Variants in DDX4 observed in about 807,000 individuals in gnomAD.
DDX4 encodes probable ATP-dependent RNA helicase DDX4.
In DDX4, 25 loss-of-function variants were observed where a neutral mutation model predicts 100.0. That is an observed-to-expected ratio of 0.25 (90% confidence interval 0.18 to 0.35). DDX4 has a LOEUF of 0.35. Ranked by LOEUF, DDX4 falls within the 10% of genes least tolerant of loss-of-function variation. The probability of loss-of-function intolerance (pLI) is 1.00; values close to 1 mark genes in which losing one functional copy is unlikely to be tolerated. For missense variants in DDX4, 635 were observed against 882.4 expected (o/e 0.72, Z 3.55); for synonymous variants, 259 against 275.7 (o/e 0.94, Z 0.60).
chr5:55,761,309 ATATT>A (rs1479756920), intron 4 of DDX4, among the ~76,000 whole-genome samples: 2 of 152,138 alleles, frequency 1.3e-5, no homozygotes, highest in Admixed American at 1.3e-4. Flanking sequence ...ATTTAGGAGC[ATATT>A]TATTATTTAC....
At chr5:55,781,614 T>TA (rs1377617790) in intron 9 of DDX4, among the ~76,000 whole-genome samples, 1 of 151,952 alleles carries the variant, frequency 6.6e-6, no homozygotes, top group South Asian at 2.1e-4. Context: ...CTATCTCTAC[T>TA]AAAAATACAG....
chr5:55,774,368 T>C (rs1041210110), intron 7 of DDX4, among the ~76,000 whole-genome samples: 1 of 152,128 alleles, frequency 6.6e-6, no homozygotes, highest in Non-Finnish European at 1.5e-5. Flanking sequence ...TCCAGGCTTG[T>C]CTCAAACTCC....
intron 18 of DDX4, among the ~76,000 whole-genome samples, chr5:55,809,615 T>A (rs1026088774): frequency 2.4e-4 from 36 of 152,358 alleles, no homozygotes; most frequent in African/African-American, 8.4e-4. Flanking sequence ...TCTTGGAGAC[T>A]CTGGGAAAGA....
At chr5:55,739,950 A>G (rs1758887332) in intron 2 of DDX4, among the ~76,000 whole-genome samples, 1 of 152,042 alleles carries the variant, frequency 6.6e-6, no homozygotes, top group Non-Finnish European at 1.5e-5. Flanking sequence ...TATATTGCCC[A>G]GACTGGTTTC....
chr5:55,803,776 T>A (rs867225678), intron 18 of DDX4, among the ~76,000 whole-genome samples: 239 of 151,976 alleles, frequency 1.6e-3, no homozygotes, highest in African/African-American at 4.1e-3. Flanking sequence ...GAATAGTGCC[T>A]CAATAAACAT....
intron 15 of DDX4, among the ~76,000 whole-genome samples, chr5:55,790,111 A>T (rs1024562224): frequency 3.6e-4 from 46 of 127,310 alleles, no homozygotes; most frequent in African/African-American, 1.5e-3. Flanking sequence ...TATTGTAATT[A>T]AAAAAAAAAA....
chr5:55,784,486 G>A (rs1005104647), intron 10 of DDX4, among the ~76,000 whole-genome samples: 2 of 152,054 alleles, frequency 1.3e-5, no homozygotes, highest in Admixed American at 6.6e-5. Context: ...CAGCTACCTG[G>A]GTATCCCTTA....
chr5:55,753,363 G>A (rs1759697336), intron 3 of DDX4, among the ~76,000 whole-genome samples: 2 of 152,166 alleles, frequency 1.3e-5, no homozygotes, highest in Admixed American at 6.5e-5. Flanking sequence ...GTGTAAGGAA[G>A]GGATCCAGTT....
intron 3 of DDX4, among the ~76,000 whole-genome samples, chr5:55,757,678 A>G (rs546556611): frequency 6.6e-6 from 1 of 152,244 alleles, no homozygotes; most frequent in East Asian, 1.9e-4. Context: ...AGACCTTTTC[A>G]TGAAAAAAAT....
chr5:55,786,478 A>G, intron 13 of DDX4, 40 bp from the exon 14 acceptor site: 1 of 1,503,430 alleles, frequency 6.7e-7, no homozygotes, highest in Non-Finnish European at 9.2e-7. Context: ...TCTGCATATG[A>G]TATATAGAAT....
intron 18 of DDX4, 38 bp downstream of exon 18, chr5:55,798,609 A>G: frequency 1.3e-6 from 2 of 1,531,490 alleles, no homozygotes; most frequent in Non-Finnish European, 1.8e-6. Flanking sequence ...CATGATTTTG[A>G]TTTTTTTTAA....
chr5:55,756,248 A>T (rs920925105), intron 3 of DDX4, among the ~76,000 whole-genome samples: 1 of 152,156 alleles, frequency 6.6e-6, no homozygotes, highest in African/African-American at 2.4e-5. Flanking sequence ...TCACCTGGGA[A>T]CTTGTTAGAA....
At chr5:55,759,158 G>A (rs1456541619) in intron 3 of DDX4, among the ~76,000 whole-genome samples, 3 of 151,744 alleles carry the variant, frequency 2.0e-5, no homozygotes, top group Non-Finnish European at 4.4e-5. Flanking sequence ...TCCCAAAGCT[G>A]TTTCCTATTT....
chr5:55,752,664 A>G (rs915859363), intron 3 of DDX4, among the ~76,000 whole-genome samples: 2 of 147,426 alleles, frequency 1.4e-5, no homozygotes, highest in African/African-American at 2.6e-5. Flanking sequence ...GTGTCTTTAT[A>G]GCAGCATGAT....
intron 18 of DDX4, among the ~76,000 whole-genome samples, chr5:55,805,758 T>A (rs929606886): frequency 2.6e-5 from 4 of 152,266 alleles, no homozygotes; most frequent in African/African-American, 7.2e-5. Context: ...GCATCAATGT[T>A]CATCAGGGAT....
At chr5:55,750,619 A>T (rs546918215) in intron 3 of DDX4, among the ~76,000 whole-genome samples, 1 of 152,108 alleles carries the variant, frequency 6.6e-6, no homozygotes, top group African/African-American at 2.4e-5. Flanking sequence ...TTAACCTCAA[A>T]TATTTCTTCA....
rs1267032192 is a variant in DDX4, at chr5:55,767,026, G to A, written c.335-855G>A. 13 of 1,484,768 alleles carry A rather than the reference G, an allele frequency of 8.8e-6. No individual in the cohort carries two copies. In the African/African-American group the frequency reaches 1.3e-4, roughly 15 times the overall value. The allele number at this position is 1,484,768 out of a possible 1,614,324, so 92.0% of individuals were successfully genotyped here. A position where few individuals can be genotyped will look rare whatever the true frequency, so the allele number is the denominator to read the frequency against. ...TCATACTACTATTTTAAAACTCTGG[G>A]AATGTTACTTACTAATATCAAAAAT... On this transcript the variant is annotated intron_variant, in intron 6 of 21. Coordinates refer to ENST00000505374, the MANE Select transcript of DDX4 (RefSeq NM_024415.3).
At chr5:55,778,371 A>T (rs564250360) in intron 7 of DDX4, among the ~76,000 whole-genome samples, 1 of 152,340 alleles carries the variant, frequency 6.6e-6, no homozygotes, top group East Asian at 1.9e-4. Flanking sequence ...TAATAGAGGA[A>T]ATCTAGTAGG....
At chr5:55,814,041 A>G (rs1162263915) in intron 19 of DDX4, among the ~76,000 whole-genome samples, 1 of 152,132 alleles carries the variant, frequency 6.6e-6, no homozygotes, top group Non-Finnish European at 1.5e-5. Context: ...AAGGAGTGGA[A>G]ATTTCTCAAG....
Sources: allele counts gnomAD v4.1 joint callset (sites outside exome capture counted in the v4.1 genomes callset), GRCh38; gene constraint gnomAD v4.1.1; transcripts MANE v1.5; gene names NCBI Gene and HGNC (gene_info 2026-07-23, HGNC 2026-07-21).